Variants in ADGRL2 observed in about 807,000 individuals in gnomAD.
ADGRL2 encodes calcium-independent alpha-latrotoxin receptor 2.
A neutral mutation model predicts 157.4 loss-of-function variants in ADGRL2; 44 were observed. The observed-to-expected ratio is 0.28, with a 90% CI of 0.22 to 0.36. The LOEUF (loss-of-function observed/expected upper bound fraction) is 0.36, where lower values mean the gene tolerates loss of function less well. Among genes scored for constraint, ADGRL2 ranks in the 10% least tolerant of loss-of-function variants. ADGRL2 has a pLI of 1.00. For missense variants in ADGRL2, 1,510 were observed against 1,768.9 expected, an observed-to-expected ratio of 0.85 and a Z score of 2.63; for synonymous variants, 585 against 624.7, an observed-to-expected ratio of 0.94 and a Z score of 0.95.
intron 1 of ADGRL2, among the ~76,000 whole-genome samples, chr1:81,356,496 T>C (rs141291025): frequency 2.6e-4 from 39 of 152,130 alleles, no homozygotes; most frequent in African/African-American, 8.7e-4. Context: ...GCAAGAAAGA[T>C]TAAGAAAAAA....
rs1028058182 is a variant in ADGRL2 at position 81,357,192 on chromosome 1, A to G, written c.-302+50683A>G. ...AAGGAGCAAACACTGAAGGAAGAAC[A>G]CTGTGACTCTTTGGACTTTCTCAGG... On this transcript the variant is annotated intron_variant, in intron 1 of 24. Transcript: ENST00000370721. 1.2e-4 allele frequency among the ~76,000 whole-genome samples: 19 copies of G among 152,202 alleles called. 1 individual carries two copies. Among genetic ancestry groups the G allele is most frequent in the Admixed American group, 9.8e-4 (15 of 15,296 alleles).
At chr1:81,771,952 A>G (rs945391267) in intron 2 of ADGRL2, among the ~76,000 whole-genome samples, 4 of 152,140 alleles carry the variant, frequency 2.6e-5, no homozygotes, top group African/African-American at 9.7e-5. Flanking sequence ...ACTATATTTT[A>G]AAACATTTTA....
rs532184064 is a variant in ADGRL2 at position 81,766,686 on chromosome 1, C to T, written c.-101+4834C>T. On this transcript the variant is annotated intron_variant, in intron 2 of 20. Coordinates refer to the ADGRL2 transcript ENST00000359929. ...TTTCTACTAAAAATACAAAATCAGC[C>T]GGGCATGGTGGCACATGCCTGTAAT... is the stretch of plus-strand genomic sequence containing the variant. 5.9e-4 allele frequency among the ~76,000 whole-genome samples: 89 copies of T among 151,578 alleles called. 1 individual carries two copies. In the South Asian group the frequency reaches 0.017, roughly 29 times the overall value.
At chr1:81,803,416 C>T (rs2088611137) in intron 1 of ADGRL2, among the ~76,000 whole-genome samples, 2 of 152,090 alleles carry the variant, frequency 1.3e-5, no homozygotes, top group South Asian at 4.1e-4. Context: ...TAAAGTGTCG[C>T]TGAGTGGAGG....
intron 1 of ADGRL2, among the ~76,000 whole-genome samples, chr1:81,366,889 T>A (rs1039504293): frequency 6.6e-6 from 1 of 152,216 alleles, no homozygotes; most frequent in Non-Finnish European, 1.5e-5. Flanking sequence ...TCTTTAAGCA[T>A]TGCTGTATCC....
chr1:81,404,220 C>T (rs1009041486), intron 1 of ADGRL2, among the ~76,000 whole-genome samples: 6 of 152,130 alleles, frequency 3.9e-5, no homozygotes, highest in African/African-American at 7.2e-5. Flanking sequence ...ACCCCCTTGC[C>T]GCCATCTACT....
intron 2 of ADGRL2, among the ~76,000 whole-genome samples, chr1:81,463,240 G>A (rs1209504411): frequency 6.6e-6 from 1 of 150,454 alleles, no homozygotes; most frequent in Non-Finnish European, 1.5e-5. Flanking sequence ...AGACAGATGT[G>A]GGTTGGATTC....
At position 81,986,893 on chromosome 1, in the gene ADGRL2, T is replaced by C. The variant is rs1459451367; in HGVS notation, c.3509-8T>C. 1 of 1,592,948 alleles carries C rather than the reference T, an allele frequency of 6.3e-7. No homozygotes were observed. Among genetic ancestry groups the C allele is most frequent in the Non-Finnish European group, 8.5e-7 (1 of 1,173,724 alleles). On this transcript the variant is annotated splice_polypyrimidine_tract_variant and splice_region_variant and intron_variant, in intron 21 of 23. Transcript: ENST00000686636. ...CTGTTTTTTTGTTGTTTTTTTTTTTTACTTTAGGAATGACTGGCAATTACC... is the reference window on the plus strand; with the variant it reads ...CTGTTTTTTTGTTGTTTTTTTTTTTCACTTTAGGAATGACTGGCAATTACC...
At chr1:81,591,462 A>G (rs986090001) in intron 3 of ADGRL2, among the ~76,000 whole-genome samples, 1 of 152,206 alleles carries the variant, frequency 6.6e-6, no homozygotes, top group African/African-American at 2.4e-5. Context: ...ATGTCTCTTT[A>G]AATGATGCTA....
intron 2 of ADGRL2, among the ~76,000 whole-genome samples, chr1:81,845,982 C>G (rs536207659): frequency 6.6e-6 from 1 of 151,668 alleles, no homozygotes. Context: ...AATATTTATT[C>G]ATTACATTTC....
At chr1:81,947,751 T>G (rs1305214210) in intron 6 of ADGRL2, among the ~76,000 whole-genome samples, 1 of 152,216 alleles carries the variant, frequency 6.6e-6, no homozygotes, top group Non-Finnish European at 1.5e-5. Flanking sequence ...GCTTTTCTTC[T>G]GGTATTGCTA....
At chr1:81,662,252 CTTTT>C (rs368764970) in intron 3 of ADGRL2, among the ~76,000 whole-genome samples, 12 of 127,508 alleles carry the variant, frequency 9.4e-5, no homozygotes, top group Non-Finnish European at 9.7e-5. Context: ...CTCATTCATT[CTTTT>C]TTTTTTTTTT....
chr1:81,972,749 A>G (rs1270104066), intron 17 of ADGRL2, among the ~76,000 whole-genome samples: 1 of 151,914 alleles, frequency 6.6e-6, no homozygotes. Context: ...CCCCTCTACA[A>G]TAATATTTTT....
intron 2 of ADGRL2, among the ~76,000 whole-genome samples, chr1:81,536,611 T>TTTTG (rs2079744138): frequency 6.6e-6 from 1 of 152,220 alleles, no homozygotes; most frequent in Non-Finnish European, 1.5e-5. Context: ...ATCTAGGGTT[T>TTTTG]TTTGTTTGTT....
chr1:81,875,406 T>G (rs1206707393), intron 2 of ADGRL2, among the ~76,000 whole-genome samples: 1 of 152,172 alleles, frequency 6.6e-6, no homozygotes, highest in East Asian at 1.9e-4. Flanking sequence ...ATACAGAATT[T>G]AGGAAGCAAA....
rs758446671 is a variant in ADGRL2, at chr1:81,956,044, G to A, written c.2001G>A (p.Met667Ile). 3.1e-6 allele frequency: 5 copies of A among 1,595,690 alleles called. No homozygotes were observed. The highest frequency in any genetic ancestry group is 3.4e-6 in the Non-Finnish European group (4 of 1,173,348). The part of the protein sequence containing the change: ...DNLLEPTRVS[M>I]PTENIVLEVA... ...TTTTAGAACCAACAAGGGTCTCAAT[G>A]CCCACAGAAAATATTGGTAAGTGAA... Residue 667 changes from methionine to isoleucine, a missense_variant, in exon 11 of 24, where the codon ATG (methionine) becomes ATA (isoleucine). Transcript: ENST00000686636.
rs141053148 is a variant in ADGRL2, at chr1:81,424,263, A to G, written c.-301-20773A>G. Among the ~76,000 whole-genome samples the G allele has an allele frequency of 4.0e-3, 611 of 152,330 alleles. 3 individuals are homozygous for G. The highest frequency in any genetic ancestry group is 0.014 in the African/African-American group (566 of 41,574). ...TTCCCGACAGCTGTATCTGTTGACCATCACCAGTGCAGATAATCACAGGAG... is the reference window on the plus strand; with the variant it reads ...TTCCCGACAGCTGTATCTGTTGACCGTCACCAGTGCAGATAATCACAGGAG... On this transcript the variant is annotated intron_variant, in intron 1 of 24. Transcript: ENST00000370721.
At chr1:81,391,090 G>A (rs1418884994) in intron 1 of ADGRL2, among the ~76,000 whole-genome samples, 4 of 152,300 alleles carry the variant, frequency 2.6e-5, no homozygotes, top group South Asian at 2.1e-4. Context: ...TTTAGCATAT[G>A]CTGTTTGAAG....
intron 3 of ADGRL2, among the ~76,000 whole-genome samples, chr1:81,657,569 C>T (rs1368165187): frequency 6.6e-6 from 1 of 152,096 alleles, no homozygotes; most frequent in African/African-American, 2.4e-5. Context: ...CTTCCCACTC[C>T]CTAGGCCCAC....
Sources: allele counts gnomAD v4.1 joint callset (sites outside exome capture counted in the v4.1 genomes callset), GRCh38; gene constraint gnomAD v4.1.1; transcripts MANE v1.5; gene names NCBI Gene and HGNC (gene_info 2026-07-23, HGNC 2026-07-21).